Variants in LRRC4C observed in about 807,000 individuals in gnomAD.
LRRC4C encodes the protein leucine rich repeat containing 4C.
LRRC4C carries 5 observed loss-of-function variants against 33.6 expected under a neutral mutation model. The ratio of observed to expected loss-of-function variants is 0.15; its 90% CI spans 0.08 to 0.31. The LOEUF (loss-of-function observed/expected upper bound fraction) is 0.31. Ranked by LOEUF, LRRC4C falls within the 10% of genes least tolerant of loss-of-function variation. The probability of loss-of-function intolerance (pLI) is 1.00; values close to 1 mark genes in which losing one functional copy is unlikely to be tolerated. For missense variants in LRRC4C, 560 were observed against 796.7 expected (o/e 0.70, Z 3.58); for synonymous variants, 329 against 302.0 (o/e 1.09, Z -0.93).
chr11:41,033,114 C>T (rs1033497027), intron 1 of LRRC4C, among the ~76,000 whole-genome samples: 1 of 151,752 alleles, frequency 6.6e-6, no homozygotes, highest in Non-Finnish European at 1.5e-5. Context: ...ATCCTAGGGC[C>T]GGAGAATCTA....
intron 2 of LRRC4C, among the ~76,000 whole-genome samples, chr11:40,654,834 A>C (rs1943014417): frequency 6.6e-6 from 1 of 152,152 alleles, no homozygotes; most frequent in African/African-American, 2.4e-5. Flanking sequence ...CACGTGTCAA[A>C]GACAGGACCA....
chr11:40,757,370 G>A (rs1201421593), intron 2 of LRRC4C, among the ~76,000 whole-genome samples: 1 of 151,998 alleles, frequency 6.6e-6, no homozygotes, highest in Non-Finnish European at 1.5e-5. Context: ...TGCCTCTGAG[G>A]CTTTCCATCA....
intron 3 of LRRC4C, among the ~76,000 whole-genome samples, chr11:40,570,979 T>C (rs891229522): frequency 1.3e-5 from 2 of 152,172 alleles, no homozygotes; most frequent in Non-Finnish European, 1.5e-5. Context: ...TTCTTTTGTT[T>C]AATGTTTTTT....
Position 41,328,544 on chromosome 11 carries a change from G to T in LRRC4C, c.-496+130887C>A, listed in dbSNP as rs185585892. Among the ~76,000 whole-genome samples the T allele has an allele frequency of 2.5e-3, 380 of 152,222 alleles. 3 individuals are homozygous for T. The highest frequency in any genetic ancestry group is 3.0e-3 in the Non-Finnish European group (201 of 68,028). ...GCTCTGTCAACACGCTCCTTACTGA[G>T]TTGCTAATCTTTCTCTTCCCTTTTC... On this transcript the variant is annotated intron_variant, in intron 1 of 6. Transcript: ENST00000528697.
intron 1 of LRRC4C, among the ~76,000 whole-genome samples, chr11:40,982,550 A>T (rs937079740): frequency 1.3e-5 from 2 of 152,130 alleles, no homozygotes; most frequent in Non-Finnish European, 2.9e-5. Context: ...TAGTTTTGAG[A>T]TGGGGCTCAA....
chr11:40,414,645 G>T (rs1379252887), intron 3 of LRRC4C, among the ~76,000 whole-genome samples: 1 of 151,928 alleles, frequency 6.6e-6, no homozygotes, highest in East Asian at 1.9e-4. Flanking sequence ...CTTTTTCTTT[G>T]TGTGGCTAAT....
At chr11:40,781,933 G>A (rs980474698) in intron 2 of LRRC4C, among the ~76,000 whole-genome samples, 4 of 152,094 alleles carry the variant, frequency 2.6e-5, no homozygotes, top group Admixed American at 1.3e-4. Flanking sequence ...CATCACTTAA[G>A]GTTTACAGTG....
chr11:41,004,083 C>T (rs1165668805), intron 1 of LRRC4C, among the ~76,000 whole-genome samples: 1 of 152,092 alleles, frequency 6.6e-6, no homozygotes, highest in Non-Finnish European at 1.5e-5. Flanking sequence ...GAGGCATGAA[C>T]ACCCCATTGT....
intron 5 of LRRC4C, among the ~76,000 whole-genome samples, chr11:40,163,660 T>C (rs187069042): frequency 2.0e-5 from 3 of 152,264 alleles, no homozygotes; most frequent in African/African-American, 7.2e-5. Flanking sequence ...AAATTGATTA[T>C]AATAACATAA....
Position 40,769,250 on chromosome 11 carries a change from T to G in LRRC4C, c.-406-120972A>C, listed in dbSNP as rs189604706. 6.1e-4 allele frequency among the ~76,000 whole-genome samples: 92 copies of G among 152,016 alleles called. 4 individuals are homozygous for G. The East Asian group carries it at 0.012, about 20-fold the overall frequency. On this transcript the variant is annotated intron_variant, in intron 2 of 6. Coordinates refer to ENST00000528697, the MANE Select transcript of LRRC4C (RefSeq NM_001258419.2). The stretch of plus-strand genomic sequence containing the variant: ...TACAATAGCTACAAATAAAATCAAA[T>G]GCTTAAAAATAAACTGATGCAAAGA...
chr11:40,554,968 G>A (rs1019528458), intron 3 of LRRC4C, among the ~76,000 whole-genome samples: 1 of 143,050 alleles, frequency 7.0e-6, no homozygotes, highest in Non-Finnish European at 1.5e-5. Flanking sequence ...TGATCCGCCC[G>A]CCTCGGCCTC....
At position 40,370,084 on chromosome 11, in the gene LRRC4C, G is replaced by A. The variant is rs149183626; in HGVS notation, c.-269-50363C>T. 1.6e-3 allele frequency among the ~76,000 whole-genome samples: 250 copies of A among 152,256 alleles called. 2 individuals carry two copies. Among genetic ancestry groups the A allele is most frequent in the African/African-American group, 5.8e-3 (240 of 41,552 alleles). On this transcript the variant is annotated intron_variant, in intron 3 of 6. Transcript: ENST00000528697. ...ATCTGCAAGAGGATGTTATAAAAGT[G>A]ATTCCCTTTAGAATTCCTCTATCTG...
chr11:41,284,588 C>T (rs949069519), intron 1 of LRRC4C, among the ~76,000 whole-genome samples: 16 of 152,146 alleles, frequency 1.1e-4, no homozygotes, highest in African/African-American at 3.9e-4. Context: ...ATTCATTCCC[C>T]AGCCTCTCCG....
intron 1 of LRRC4C, among the ~76,000 whole-genome samples, chr11:41,223,559 G>A (rs1179751812): frequency 1.3e-5 from 2 of 152,136 alleles, no homozygotes; most frequent in African/African-American, 4.8e-5. Flanking sequence ...GGTCAATATG[G>A]AGAAGTACAA....
At chr11:41,299,780 T>C (rs997140913) in intron 1 of LRRC4C, among the ~76,000 whole-genome samples, 4 of 152,152 alleles carry the variant, frequency 2.6e-5, no homozygotes, top group African/African-American at 9.7e-5. Context: ...GCAATAAGTT[T>C]ATTTTTTCTT....
At chr11:41,458,540 G>A (rs1431255722) in intron 1 of LRRC4C, among the ~76,000 whole-genome samples, 1 of 137,214 alleles carries the variant, frequency 7.3e-6, no homozygotes, top group East Asian at 2.5e-4. Context: ...AAGGAAAAGC[G>A]TGGTGGGGGG....
At chr11:41,296,375 T>C (rs1342852687) in intron 1 of LRRC4C, among the ~76,000 whole-genome samples, 7 of 151,672 alleles carry the variant, frequency 4.6e-5, no homozygotes, top group Non-Finnish European at 8.8e-5. Flanking sequence ...AGTGCAGCGG[T>C]GTGATCTCGG....
chr11:40,870,307 C>T (rs1954574498), intron 2 of LRRC4C, among the ~76,000 whole-genome samples: 1 of 152,040 alleles, frequency 6.6e-6, no homozygotes, highest in African/African-American at 2.4e-5. Flanking sequence ...GGTTGCTGTG[C>T]TCCATGAATT....
chr11:40,474,224 C>A (rs965338943), intron 3 of LRRC4C, among the ~76,000 whole-genome samples: 1 of 152,082 alleles, frequency 6.6e-6, no homozygotes, highest in Non-Finnish European at 1.5e-5. Flanking sequence ...GTACTGGTAC[C>A]AAAACAGATA....
Sources: gnomAD v4.1 joint callset for allele counts (sites outside exome capture counted in the v4.1 genomes callset) on GRCh38, gnomAD v4.1.1 for gene constraint, MANE v1.5 for transcripts, NCBI Gene and HGNC (gene_info 2026-07-23, HGNC 2026-07-21) for gene names.